The following SMCR8 variants were observed in gnomAD, a reference collection of about 807,000 sequenced individuals.
SMCR8 encodes the protein guanine nucleotide exchange protein SMCR8.
SMCR8 carries 30 observed loss-of-function variants against 56.6 expected under a neutral mutation model. The observed-to-expected ratio is 0.53, with a 90% confidence interval of 0.40 to 0.72. The LOEUF is 0.72. SMCR8 is among the 30% of genes least tolerant of loss of function. The pLI, the probability that SMCR8 is intolerant of heterozygous loss-of-function variation, is 0.00. For synonymous variants in SMCR8, 538 were observed against 456.0 expected, an observed-to-expected ratio of 1.18 and a Z score of -2.29; for missense variants, 1,198 against 1,157.0, an observed-to-expected ratio of 1.04 and a Z score of -0.51.
chr17:18,316,008 G>A lies in SMCR8; in HGVS notation c.219G>A (p.Leu73=). 2 of 1,614,100 alleles carry A rather than the reference G, an allele frequency of 1.2e-6. No individual in the cohort carries two copies. The highest frequency in any genetic ancestry group is 1.7e-6 in the Non-Finnish European group (2 of 1,180,004). ...FSEQVGPQPL[L]TIPNDTKVFG... ...AGCAGGTGGGACCCCAACCCTTACT[G>A]ACCATCCCCAATGACACCAAAGTTT... The change falls in exon 1 of 2, where the codon CTG becomes CTA. Residue 73 remains leucine, a synonymous_variant. Coordinates refer to ENST00000406438, the MANE Select transcript of SMCR8 (RefSeq NM_144775.3).
At chr17:18,318,395 G>C (rs1195282575) in intron 1 of SMCR8, among the ~76,000 whole-genome samples, 1 of 152,122 alleles carries the variant, frequency 6.6e-6, no homozygotes, top group African/African-American at 2.4e-5. Context: ...ATTAGGGAAA[G>C]TTTTTATTTT....
At position 18,316,775 on chromosome 17, in the gene SMCR8, A is replaced by T. The variant is rs1295785428; in HGVS notation, c.986A>T (p.Glu329Val). 6.2e-7 allele frequency: 1 copy of T among 1,614,222 alleles called. No homozygotes were observed. The highest frequency in any genetic ancestry group is 2.2e-5 in the East Asian group (1 of 44,890). Residue 329 changes from glutamate to valine, a missense_variant, in exon 1 of 2, where the codon GAA becomes GTA. Transcript: ENST00000406438. ...ACCTTGGAGGAGCTCTGTGACACTG[A>T]ATATTTCACCCAGACCCTGGCTCAG... ...LKTLEELCDTEYFTQTLAQLS... is the reference protein window; with the variant it reads ...LKTLEELCDTVYFTQTLAQLS...
intron 1 of SMCR8, among the ~76,000 whole-genome samples, chr17:18,319,124 T>C (rs986498541): frequency 2.6e-5 from 4 of 152,188 alleles, no homozygotes; most frequent in African/African-American, 4.8e-5. Context: ...GATGAAACTG[T>C]TGTGGGCTGT....
Position 18,316,954 on chromosome 17 carries a change from A to G in SMCR8, c.1165A>G (p.Ile389Val), listed in dbSNP as rs79875842. Residue 389 changes from isoleucine (I) to valine (V), a missense_variant, in exon 1 of 2, where the codon ATA becomes GTA. Physicochemically the swap from Ile to Val is conservative, Grantham distance 29 (BLOSUM62 3). Coordinates refer to ENST00000406438, the MANE Select transcript of SMCR8 (RefSeq NM_144775.3). ...CAGGATGGTGGAGAAACAAGAAAGC[A>G]TACCCTCTAAGCCCAGTCAAGACAG... ...DDRMVEKQES[I>V]PSKPSQDRPP... The G allele has an allele frequency of 0.012, 18,921 of 1,614,196 alleles. 138 individuals carry two copies. Among genetic ancestry groups the G allele is most frequent in the Non-Finnish European group, 0.014 (16,883 of 1,180,022 alleles).
rs1238941748 is a variant in SMCR8 at position 18,327,890 on chromosome 17, ATTTAT to A, written c.*4823_*4827del. 1 of 152,518 alleles carries A rather than the reference ATTTAT, an allele frequency of 6.6e-6. No individual in the cohort carries two copies. The highest frequency in any genetic ancestry group is 6.6e-5 in the Admixed American group (1 of 15,264). 9.4% of individuals were successfully genotyped at this position (152,518 alleles called of 1,614,324 possible). A position where few individuals can be genotyped will look rare whatever the true frequency, so the allele number is the denominator to read the frequency against. On this transcript the variant is annotated 3_prime_UTR_variant, in exon 2 of 2. Transcript: ENST00000406438. ...GAGAAGTGTACTTTTTAAGAAATTAATTTATTTGAGTTCAAATATTTTTGAAATAT... is the reference window on the plus strand; with the variant it reads ...GAGAAGTGTACTTTTTAAGAAATTAATTGAGTTCAAATATTTTTGAAATAT...
chr17:18,320,134 G>T (rs4925170), intron 1 of SMCR8, among the ~76,000 whole-genome samples: 1 of 152,206 alleles, frequency 6.6e-6, no homozygotes, highest in Non-Finnish European at 1.5e-5. Context: ...GCCCTGGGTT[G>T]AGTCCTGGCT....
chr17:18,319,094 G>A lies in SMCR8; in HGVS notation c.2360+945G>A, dbSNP rs149310249. On this transcript the variant is annotated intron_variant, in intron 1 of 1. Coordinates refer to ENST00000406438, the MANE Select transcript of SMCR8 (RefSeq NM_144775.3). ...TTCCTGGGGGAGGTGAGCAGTAGAC[G>A]CCACCTGAGGGTATGATAAGATGAA... 4.4e-4 allele frequency among the ~76,000 whole-genome samples: 67 copies of A among 152,322 alleles called. No homozygotes were observed. The East Asian group carries it at 0.011, about 25-fold the overall frequency.
chr17:18,319,004 T>C (rs1415388062), intron 1 of SMCR8, among the ~76,000 whole-genome samples: 1 of 152,210 alleles, frequency 6.6e-6, no homozygotes, highest in Non-Finnish European at 1.5e-5. Context: ...TGGGGAGCCC[T>C]GCACCCTGGA....
intron 1 of SMCR8, among the ~76,000 whole-genome samples, chr17:18,319,279 C>G (rs747266037): frequency 1.3e-5 from 2 of 152,144 alleles, no homozygotes; most frequent in Non-Finnish European, 2.9e-5. Context: ...TGAGAGCCAT[C>G]GGAAGGGTCC....
chr17:18,322,649 A>G lies in SMCR8; in HGVS notation c.2393A>G (p.His798Arg), dbSNP rs1982533121. ...TCCCCTGCCGGTGCCGGTACCCTCC[A>G]TGCCCTGAGCCGCTACAGCCGCTAC... ...VASPAGAGTL[H>R]ALSRYSRYTS... The change falls in exon 2 of 2, where the codon CAT (histidine) becomes CGT (arginine). Residue 798 changes from histidine (H) to arginine (R), a missense_variant. His to Arg is a conservative substitution (Grantham distance 29). Transcript: ENST00000406438. 8.1e-6 allele frequency: 13 copies of G among 1,614,006 alleles called. No homozygotes were observed. The highest frequency in any genetic ancestry group is 1.0e-5 in the Non-Finnish European group (12 of 1,180,000).
Position 18,317,503 on chromosome 17 carries a change from G to C in SMCR8, c.1714G>C (p.Gly572Arg). Residue 572 changes from glycine to arginine, a missense_variant, in exon 1 of 2, where the codon GGC (glycine) becomes CGC (arginine). Gly to Arg is a moderately radical substitution (Grantham distance 125). Transcript: ENST00000406438. ...SPPELGETEE[G>R]SIENTPSQID... The stretch of plus-strand genomic sequence containing the variant: ...TCCAGAACTGGGTGAGACAGAGGAA[G>C]GCAGCATAGAAAACACCCCATCACA... 1.2e-6 allele frequency: 2 copies of C among 1,614,088 alleles called. No homozygotes were observed. Among genetic ancestry groups the C allele is most frequent in the Non-Finnish European group, 8.5e-7 (1 of 1,180,042 alleles).
At position 18,315,960 on chromosome 17, in the gene SMCR8, C is replaced by A. The variant is rs1433258087; in HGVS notation, c.171C>A (p.Phe57Leu). The change falls in exon 1 of 2, where the codon TTC becomes TTA. Residue 57 changes from phenylalanine to leucine, a missense_variant. Physicochemically the swap from Phe to Leu is conservative, Grantham distance 22. Transcript: ENST00000406438. The part of the protein sequence containing the change: ...KLSGAKFSRD[F>L]ILISEFSEQV... ...CCGGGGCCAAGTTTTCGAGGGACTT[C>A]ATTCTTATTTCCGAGTTCTCTGAGC... 4 of 1,614,178 alleles carry A rather than the reference C, an allele frequency of 2.5e-6. No individual in the cohort carries two copies. Among genetic ancestry groups the A allele is most frequent in the Non-Finnish European group, 3.4e-6 (4 of 1,180,034 alleles).
In SMCR8 at chr17:18,315,637, G is replaced by T; in HGVS notation, c.-153G>T. On this transcript the variant is annotated 5_prime_UTR_variant, in exon 1 of 2. Transcript: ENST00000406438. ...GCTGCTAGAGTTCTTCTCCTCGGGT[G>T]TGTGAGAAGCAGCCTAGGACCCCGG... 1 of 662,892 alleles carries T rather than the reference G, an allele frequency of 1.5e-6. No individual in the cohort carries two copies. The allele number at this position is 662,892 out of a possible 1,614,324, so 41.1% of individuals were successfully genotyped here. A position where few individuals can be genotyped will look rare whatever the true frequency, so the allele number is the denominator to read the frequency against.
At chr17:18,319,530 A>G (rs1451614741) in intron 1 of SMCR8, among the ~76,000 whole-genome samples, 1 of 152,138 alleles carries the variant, frequency 6.6e-6, no homozygotes, top group Non-Finnish European at 1.5e-5. Flanking sequence ...CTCCTCACTC[A>G]GGCCCACTGC....
At position 18,316,639 on chromosome 17, in the gene SMCR8, A is replaced by G. The variant is rs866290269; in HGVS notation, c.850A>G (p.Thr284Ala). 1.4e-5 allele frequency: 23 copies of G among 1,613,914 alleles called. No homozygotes were observed. The highest frequency in any genetic ancestry group is 3.3e-4 in the Middle Eastern group (2 of 6,084). ...IQDQASQAST[T>A]SNPDESADTD... is the part of the protein sequence containing the mutation. ...GGATCAGGCCAGCCAGGCATCCACT[A>G]CCTCTAACCCTGATGAGTCTGCCGA... Residue 284 changes from threonine to alanine, a missense_variant, in exon 1 of 2, where the codon ACC becomes GCC. Transcript: ENST00000406438.
In SMCR8 at chr17:18,322,845, C is replaced by A; in HGVS notation, c.2589C>A (p.Phe863Leu). Reference protein sequence around the residue: ...QLCSKAFLYTFCHHLHLPTHD... With the variant: ...QLCSKAFLYTLCHHLHLPTHD... Reference sequence around the variant, plus strand: ...GCTCCAAGGCCTTCCTCTACACCTTCTGCCACCACCTGCACCTGCCTACCC... The same window carrying A: ...GCTCCAAGGCCTTCCTCTACACCTTATGCCACCACCTGCACCTGCCTACCC... The change falls in exon 2 of 2, where the codon TTC (phenylalanine) becomes TTA (leucine). Residue 863 changes from phenylalanine (F) to leucine (L), a missense_variant. By Grantham distance (22) the Phe-to-Leu change is conservative. Coordinates refer to ENST00000406438, the MANE Select transcript of SMCR8 (RefSeq NM_144775.3). 6.2e-7 allele frequency: 1 copy of A among 1,614,018 alleles called. No individual in the cohort carries two copies. The highest frequency in any genetic ancestry group is 1.1e-5 in the South Asian group (1 of 91,084).
In SMCR8 at chr17:18,316,633, T is replaced by G; in HGVS notation, c.844T>G (p.Ser282Ala). The G allele has an allele frequency of 6.2e-7, 1 of 1,614,160 alleles. No individual in the cohort carries two copies. Among genetic ancestry groups the G allele is most frequent in the African/African-American group, 1.3e-5 (1 of 75,036 alleles). ...CATCCAGGATCAGGCCAGCCAGGCA[T>G]CCACTACCTCTAACCCTGATGAGTC... ...EHIQDQASQA[S>A]TTSNPDESAD... Residue 282 changes from serine to alanine, a missense_variant, in exon 1 of 2, where the codon TCC becomes GCC. Ser to Ala is a moderately conservative substitution (Grantham distance 99). Transcript: ENST00000406438.
chr17:18,316,291 C>T lies in SMCR8; in HGVS notation c.502C>T (p.Gln168Ter). The T allele has an allele frequency of 6.2e-7, 1 of 1,614,026 alleles. No homozygotes were observed. The highest frequency in any genetic ancestry group is 8.5e-7 in the Non-Finnish European group (1 of 1,180,038). Residue 168 changes from glutamine to a stop codon, truncating the protein, a stop_gained, in exon 1 of 2, where the codon CAG (glutamine) becomes TAG (stop). Transcript: ENST00000406438. LOFTEE classifies it high-confidence loss of function. ...TGCAGACCAGCATAAAATCATGCAG[C>T]AGTTCCAGGAGCTTTCAGCCGAATT... ...ISADQHKIMQ[Q>*]FQELSAEFSR... is the part of the protein sequence containing the mutation.
chr17:18,318,441 T>C (rs909925125), intron 1 of SMCR8, among the ~76,000 whole-genome samples: 2 of 152,236 alleles, frequency 1.3e-5, no homozygotes, highest in Non-Finnish European at 2.9e-5. Context: ...CTCGCTCTTG[T>C]ACCCCAGGCT....
Sources: allele counts gnomAD v4.1 joint callset (sites outside exome capture counted in the v4.1 genomes callset), GRCh38; gene constraint gnomAD v4.1.1; transcripts MANE v1.5; gene names NCBI Gene and HGNC (gene_info 2026-07-23, HGNC 2026-07-21).